The following TTC7A variants were observed in gnomAD, a reference collection of about 807,000 sequenced individuals.
TTC7A encodes the protein tetratricopeptide repeat domain 7A.
In TTC7A, 110 loss-of-function variants were observed where a neutral mutation model predicts 103.7. The ratio of observed to expected loss-of-function variants is 1.06; its 90% CI spans 0.91 to 1.24. TTC7A has a LOEUF of 1.24. Ranked by LOEUF, TTC7A falls within the 50% of genes most tolerant of loss-of-function variation. TTC7A has a pLI of 0.00. For missense variants in TTC7A, 1,340 were observed against 1,116.3 expected (o/e 1.20, Z -2.86); for synonymous variants, 521 against 467.9 (o/e 1.11, Z -1.47).
chr2:46,944,816 C>T (rs9973504), intron 1 of TTC7A, among the ~76,000 whole-genome samples: 18,031 of 152,160 alleles, frequency 0.12, 1,390 homozygotes, highest in African/African-American at 0.22. Flanking sequence ...GTTGAGATTT[C>T]AGGCATGAGC....
chr2:47,053,539 T>TTGG (rs541862811), intron 18 of TTC7A, among the ~76,000 whole-genome samples: 58 of 66,146 alleles, frequency 8.8e-4, no homozygotes, highest in South Asian at 1.6e-3. Flanking sequence ...TTTTTGTTTG[T>TTGG]TTGTTTGGTT....
intron 15 of TTC7A, among the ~76,000 whole-genome samples, chr2:47,041,667 T>G (rs1465066532): frequency 6.6e-6 from 1 of 151,438 alleles, no homozygotes; most frequent in Non-Finnish European, 1.5e-5. Context: ...GCAGGAGAAT[T>G]GCTTGAACCC....
chr2:46,968,027 AG>A (rs1424149207), intron 3 of TTC7A, among the ~76,000 whole-genome samples: 9 of 152,012 alleles, frequency 5.9e-5, no homozygotes, highest in Admixed American at 5.2e-4. Flanking sequence ...TCTGTTGCTG[AG>A]GATGTTTTCT....
intron 11 of TTC7A, among the ~76,000 whole-genome samples, chr2:47,018,550 C>T (rs1049099221): frequency 7.0e-6 from 1 of 143,020 alleles, no homozygotes; most frequent in Non-Finnish European, 1.5e-5. Flanking sequence ...TGCCACTGCA[C>T]GCCAGCTTGG....
chr2:47,030,381 A>G (rs142695376), intron 15 of TTC7A, among the ~76,000 whole-genome samples: 231 of 152,334 alleles, frequency 1.5e-3, no homozygotes, highest in Admixed American at 3.3e-3. Flanking sequence ...TCCCCAGCCC[A>G]TCAGAGGCAG....
At chr2:47,010,334 T>A (rs1422897619) in intron 10 of TTC7A, among the ~76,000 whole-genome samples, 1 of 152,190 alleles carries the variant, frequency 6.6e-6, no homozygotes, top group Non-Finnish European at 1.5e-5. Context: ...AGTAAAACTT[T>A]ATTTACAAAA....
At chr2:46,956,605 C>A (rs1671875005) in intron 2 of TTC7A, 1 of 551,504 alleles carries the variant, frequency 1.8e-6, no homozygotes, top group Admixed American at 3.1e-5. Context: ...AACGCACACA[C>A]ATGAAACAAT....
rs1179246360 is a variant in TTC7A at position 46,941,877 on chromosome 2, C to T, written c.184+152C>T. The T allele has an allele frequency of 3.1e-6, 3 of 952,660 alleles. No individual in the cohort carries two copies. The African/African-American group carries it at 5.0e-5, about 16-fold the overall frequency. The allele number at this position is 952,660 out of a possible 1,614,324, so 59.0% of individuals were successfully genotyped here. A position where few individuals can be genotyped will look rare whatever the true frequency, so the allele number is the denominator to read the frequency against. On this transcript the variant is annotated intron_variant, in intron 1 of 19. Coordinates refer to ENST00000319190, the MANE Select transcript of TTC7A (RefSeq NM_020458.4). This position sits in a 1 kb window ranked among gnomAD's most constrained non-coding sequence, Gnocchi z 4.2. Reference sequence around the variant, plus strand: ...GAGCAGCCAGGGCAGTTAGGAAGGTCCTTCTGCCGCGAGAGAAAAATCACA... The same window carrying T: ...GAGCAGCCAGGGCAGTTAGGAAGGTTCTTCTGCCGCGAGAGAAAAATCACA...
chr2:46,933,679 T>C (rs1215446135), intron 2 of TTC7A, among the ~76,000 whole-genome samples: 2 of 152,260 alleles, frequency 1.3e-5, no homozygotes, highest in Non-Finnish European at 2.9e-5. Flanking sequence ...TCCTGAGCCA[T>C]GCACATGACT....
intron 2 of TTC7A, among the ~76,000 whole-genome samples, chr2:46,920,289 G>C (rs908662591): frequency 6.6e-6 from 1 of 151,988 alleles, no homozygotes; most frequent in African/African-American, 2.4e-5. Context: ...GTTGTTTGGA[G>C]TTTTTGACAT....
At chr2:47,041,542 C>G (rs1348354048) in intron 15 of TTC7A, among the ~76,000 whole-genome samples, 2 of 152,128 alleles carry the variant, frequency 1.3e-5, no homozygotes, top group South Asian at 2.1e-4. Flanking sequence ...CACCTGAGGT[C>G]AGGAGTTCAA....
Position 47,007,798 on chromosome 2 carries a change from C to G in TTC7A, c.1287+1074C>G, listed in dbSNP as rs141921323. Reference sequence around the variant, plus strand: ...TGTCTTTCCAAACCTCTCTCCTCTCCCCCATCACATCGGACACCTCACAGA... The same window carrying G: ...TGTCTTTCCAAACCTCTCTCCTCTCGCCCATCACATCGGACACCTCACAGA... On this transcript the variant is annotated intron_variant, in intron 10 of 19. Coordinates refer to ENST00000319190, the MANE Select transcript of TTC7A (RefSeq NM_020458.4). This position sits in a 1 kb window ranked among gnomAD's most constrained non-coding sequence, Gnocchi z 4.9. 3.0e-3 allele frequency among the ~76,000 whole-genome samples: 464 copies of G among 152,308 alleles called. 2 individuals are homozygous for G. Among genetic ancestry groups the G allele is most frequent in the Non-Finnish European group, 2.7e-3 (182 of 68,016 alleles).
intron 11 of TTC7A, among the ~76,000 whole-genome samples, chr2:47,019,215 C>T (rs531016081): frequency 6.6e-6 from 1 of 152,168 alleles, no homozygotes; most frequent in South Asian, 2.1e-4. Context: ...ATGCAAAAAG[C>T]CTGCCTTGTA....
intron 15 of TTC7A, among the ~76,000 whole-genome samples, chr2:47,036,265 A>C (rs1428282859): frequency 2.0e-5 from 3 of 152,198 alleles, no homozygotes; most frequent in Non-Finnish European, 4.4e-5. Context: ...GGTCAGGGAC[A>C]GTCTTTGAAG....
intron 14 of TTC7A, among the ~76,000 whole-genome samples, chr2:47,025,426 G>T (rs908749460): frequency 1.2e-4 from 19 of 152,186 alleles, no homozygotes; most frequent in Non-Finnish European, 2.4e-4. Flanking sequence ...ATGCTCACCA[G>T]CCGGGGCTTG....
intron 15 of TTC7A, 89 bp from the exon 16 acceptor site, chr2:47,046,226 G>A: frequency 3.1e-6 from 3 of 962,840 alleles, no homozygotes. Flanking sequence ...AGGGAGGTGA[G>A]CATGTGGAGC....
intron 11 of TTC7A, among the ~76,000 whole-genome samples, chr2:47,012,408 C>A (rs1365612685): frequency 6.6e-6 from 1 of 152,190 alleles, no homozygotes; most frequent in Non-Finnish European, 1.5e-5. Flanking sequence ...CTCTCCAGGC[C>A]CAGGGTCTCC....
chr2:46,960,118 A>G (rs1672241661), intron 3 of TTC7A, among the ~76,000 whole-genome samples: 1 of 152,156 alleles, frequency 6.6e-6, no homozygotes. Flanking sequence ...CAGGAGTAGG[A>G]GACTGGATTT....
intron 2 of TTC7A, among the ~76,000 whole-genome samples, chr2:46,930,543 A>G (rs567869163): frequency 1.4e-4 from 20 of 146,654 alleles, no homozygotes; most frequent in Non-Finnish European, 2.7e-4. Flanking sequence ...CTTGTACCCC[A>G]GGCTGGAATG....
Sources: gnomAD v4.1 joint callset for allele counts (sites outside exome capture counted in the v4.1 genomes callset) on GRCh38, gnomAD v4.1.1 for gene constraint, Gnocchi (gnomAD v3.1) non-coding constraint, MANE v1.5 for transcripts, NCBI Gene and HGNC (gene_info 2026-07-23, HGNC 2026-07-21) for gene names.